Variants in HACD3 observed in about 807,000 individuals in gnomAD.
HACD3 encodes the protein 3-hydroxyacyl-CoA dehydratase 3.
HACD3 carries 30 observed loss-of-function variants against 55.2 expected under a neutral mutation model. The ratio of observed to expected loss-of-function variants is 0.54; its 90% CI spans 0.41 to 0.74. The LOEUF (loss-of-function observed/expected upper bound fraction) is 0.74, where lower values mean the gene tolerates loss of function less well. HACD3 is among the 30% of genes least tolerant of loss of function. The pLI is 0.00. For missense variants in HACD3, 363 were observed against 440.1 expected, an observed-to-expected ratio of 0.82 and a Z score of 1.57; for synonymous variants, 141 against 151.7, an observed-to-expected ratio of 0.93 and a Z score of 0.52.
chr15:65,571,548 G>A lies in HACD3; in HGVS notation c.774G>A (p.Arg258=), dbSNP rs758860450. Residue 258 remains arginine, a splice_region_variant and synonymous_variant, in exon 9 of 11, where the codon AGG becomes AGA. Coordinates refer to ENST00000261875, the MANE Select transcript of HACD3 (RefSeq NM_016395.4). ...FYLWSAIEIF[R]YSFYMLTCID... ...CATTGGAATCATTTATTTTCAATAGGTACTCTTTCTACATGCTGACGTGCA... is the reference window on the plus strand; with the variant it reads ...CATTGGAATCATTTATTTTCAATAGATACTCTTTCTACATGCTGACGTGCA... The A allele has an allele frequency of 6.2e-7, 1 of 1,610,226 alleles. No homozygotes were observed. The highest frequency in any genetic ancestry group is 1.7e-5 in the Admixed American group (1 of 59,932).
rs191545727 is a variant in HACD3, at chr15:65,547,159, G to A, written c.88-4517G>A. On this transcript the variant is annotated intron_variant, in intron 1 of 10. Transcript: ENST00000261875. ...TGAGACGGAGTCTCACTCTGTCACC[G>A]AGGCTGGAGTGCAGTGGCCTGATCT... Among the ~76,000 whole-genome samples the A allele has an allele frequency of 6.3e-4, 96 of 151,356 alleles. 2 individuals are homozygous for A. The highest frequency in any genetic ancestry group is 2.3e-3 in the African/African-American group (94 of 41,220).
chr15:65,572,508 T>A, intron 10 of HACD3, 142 bp downstream of exon 10: 1 of 960,454 alleles, frequency 1.0e-6, no homozygotes, highest in Non-Finnish European at 1.5e-6. Flanking sequence ...ACAGACCCAC[T>A]AGGGGAATAT....
At chr15:65,560,115 G>T (rs1488354046) in intron 5 of HACD3, among the ~76,000 whole-genome samples, 3 of 151,284 alleles carry the variant, frequency 2.0e-5, no homozygotes, top group East Asian at 1.9e-4. Flanking sequence ...GGGCTCAAGT[G>T]ATCCTTCTAC....
At chr15:65,573,687 A>G (rs981654789) in intron 10 of HACD3, among the ~76,000 whole-genome samples, 5 of 152,174 alleles carry the variant, frequency 3.3e-5, no homozygotes, top group East Asian at 1.9e-4. Flanking sequence ...CATATTATCT[A>G]TACTATACTC....
chr15:65,538,021 T>C, intron 1 of HACD3, among the ~76,000 whole-genome samples: 1 of 143,520 alleles, frequency 7.0e-6, no homozygotes, highest in African/African-American at 2.6e-5. Context: ...TTCAAAATAT[T>C]ACTGCTCATT....
At chr15:65,548,986 C>G (rs538868709) in intron 1 of HACD3, among the ~76,000 whole-genome samples, 1 of 152,310 alleles carries the variant, frequency 6.6e-6, no homozygotes, top group East Asian at 1.9e-4. Context: ...TTCAGCCTCC[C>G]CGGTAGCTGG....
intron 1 of HACD3, among the ~76,000 whole-genome samples, chr15:65,534,939 A>G (rs1424719605): frequency 6.6e-6 from 1 of 152,252 alleles, no homozygotes; most frequent in Non-Finnish European, 1.5e-5. Context: ...CAATGGAAGA[A>G]TAGAGCCTAT....
At chr15:65,562,263 A>C (rs2072251075) in intron 5 of HACD3, among the ~76,000 whole-genome samples, 1 of 152,234 alleles carries the variant, frequency 6.6e-6, no homozygotes, top group African/African-American at 2.4e-5. Context: ...AGTATGAGGC[A>C]AGACCCTCTC....
intron 1 of HACD3, chr15:65,535,892 G>A: frequency 1.9e-6 from 1 of 528,148 alleles, no homozygotes. Flanking sequence ...GTCTCATTAT[G>A]TTGGCCAGGC....
At chr15:65,548,375 T>G (rs1487200719) in intron 1 of HACD3, among the ~76,000 whole-genome samples, 4 of 151,850 alleles carry the variant, frequency 2.6e-5, no homozygotes, top group Non-Finnish European at 1.5e-5. Context: ...TAGCCAGGCA[T>G]GGTGATGTGG....
chr15:65,571,473 T>C (rs989193257), intron 8 of HACD3, 75 bp from the exon 9 acceptor site: 6 of 1,040,680 alleles, frequency 5.8e-6, no homozygotes, highest in Non-Finnish European at 8.7e-6. Context: ...AGAATTCTTC[T>C]ATTTAAATGA....
chr15:65,568,833 C>T (rs182100237), intron 7 of HACD3, among the ~76,000 whole-genome samples: 104 of 152,258 alleles, frequency 6.8e-4, no homozygotes, highest in African/African-American at 2.4e-3. Flanking sequence ...ACACAGACCA[C>T]GGGAACAGAA....
At chr15:65,538,762 T>C (rs1431655399) in intron 1 of HACD3, among the ~76,000 whole-genome samples, 1 of 152,176 alleles carries the variant, frequency 6.6e-6, no homozygotes, top group Non-Finnish European at 1.5e-5. Flanking sequence ...CAAACTTCAT[T>C]GTTGTCCTCC....
intron 1 of HACD3, among the ~76,000 whole-genome samples, chr15:65,541,442 C>T (rs147122289): frequency 6.6e-6 from 1 of 152,136 alleles, no homozygotes; most frequent in African/African-American, 2.4e-5. Flanking sequence ...GGGTTTATTG[C>T]TTGTTCCAGT....
At chr15:65,573,918 G>A (rs1471117695) in intron 10 of HACD3, among the ~76,000 whole-genome samples, 1 of 152,118 alleles carries the variant, frequency 6.6e-6, no homozygotes, top group Non-Finnish European at 1.5e-5. Context: ...GATAAGACAA[G>A]CTCCTAACTA....
At chr15:65,566,817 A>G (rs1345519842) in intron 7 of HACD3, 1 of 152,186 alleles carries the variant, frequency 6.6e-6, no homozygotes, top group Non-Finnish European at 1.5e-5. Flanking sequence ...GACTTTTACT[A>G]TTTCAGGTCT....
At position 65,556,588 on chromosome 15, in the gene HACD3, G is replaced by A; in HGVS notation, c.205-151G>A. On this transcript the variant is annotated intron_variant, in intron 3 of 10. Coordinates refer to ENST00000261875, the MANE Select transcript of HACD3 (RefSeq NM_016395.4). Reference sequence around the variant, plus strand: ...CATGGCCCAGGAGTTGGAGACCCCTGGTCTAGATGTTCCCTTTGCATCAGG... The same window carrying A: ...CATGGCCCAGGAGTTGGAGACCCCTAGTCTAGATGTTCCCTTTGCATCAGG... The A allele has an allele frequency of 3.8e-6, 3 of 782,840 alleles. No homozygotes were observed. In the South Asian group the frequency reaches 7.0e-5, roughly 18 times the overall value. 48.5% of individuals were successfully genotyped at this position (782,840 alleles called of 1,614,324 possible). A position where few individuals can be genotyped will look rare whatever the true frequency, so the allele number is the denominator to read the frequency against.
chr15:65,571,693 AG>A, intron 9 of HACD3, 39 bp downstream of exon 9: 1 of 1,494,998 alleles, frequency 6.7e-7, no homozygotes, highest in East Asian at 2.3e-5. Flanking sequence ...GCTTAGCTCC[AG>A]GGGGTACCCA....
chr15:65,575,188 GTTTT>G (rs1247642156), intron 10 of HACD3, among the ~76,000 whole-genome samples: 1 of 137,272 alleles, frequency 7.3e-6, no homozygotes, highest in Admixed American at 7.3e-5. Context: ...GGACTTTTTA[GTTTT>G]TTTTTTTTTT....
Sources: allele counts gnomAD v4.1 joint callset (sites outside exome capture counted in the v4.1 genomes callset), GRCh38; gene constraint gnomAD v4.1.1; transcripts MANE v1.5; gene names NCBI Gene and HGNC (gene_info 2026-07-23, HGNC 2026-07-21).